SUGCT: variants seen among roughly 807,000 people sequenced by gnomAD.
The protein encoded by SUGCT is succinyl-CoA:glutarate-CoA transferase, also known as succinyl-CoA:glutarate CoA-transferase.
In SUGCT, 41 loss-of-function variants were observed where a neutral mutation model predicts 55.0. The observed-to-expected ratio is 0.74, with a 90% CI of 0.58 to 0.97. SUGCT has a LOEUF of 0.97. SUGCT is among the 50% of genes least tolerant of loss of function. The pLI, the probability that SUGCT is intolerant of heterozygous loss-of-function variation, is 0.00. For synonymous variants in SUGCT, 187 were observed against 200.4 expected (o/e 0.93, Z 0.56); for missense variants, 568 against 547.8 (o/e 1.04, Z -0.37).
At chr7:40,377,456 T>A (rs1784662099) in intron 9 of SUGCT, among the ~76,000 whole-genome samples, 1 of 151,628 alleles carries the variant, frequency 6.6e-6, no homozygotes. Context: ...CTGGCCAGGC[T>A]GGTCTCGATC....
chr7:40,293,390 C>T (rs1246085661), intron 8 of SUGCT, among the ~76,000 whole-genome samples: 1 of 152,168 alleles, frequency 6.6e-6, no homozygotes, highest in Non-Finnish European at 1.5e-5. Context: ...CTGTCTCTTT[C>T]CCATCCCCAG....
the SUGCT span, among the ~76,000 whole-genome samples, chr7:41,007,188 A>G: frequency 6.6e-6 from 1 of 152,152 alleles, no homozygotes; most frequent in South Asian, 2.1e-4. Flanking sequence ...AATAAAACAC[A>G]GATTTTGATA....
chr7:40,513,945 A>G (rs2151558199), intron 12 of SUGCT, among the ~76,000 whole-genome samples: 1 of 151,872 alleles, frequency 6.6e-6, no homozygotes, highest in Non-Finnish European at 1.5e-5. Flanking sequence ...ACCTGCCACC[A>G]TGCCCGGCTA....
chr7:40,603,510 T>C (rs1209341257), intron 12 of SUGCT, among the ~76,000 whole-genome samples: 1 of 152,248 alleles, frequency 6.6e-6, no homozygotes, highest in African/African-American at 2.4e-5. Context: ...ATTAAGTTCC[T>C]GTATAATGAA....
chr7:40,402,196 A>G (rs1013475349), intron 9 of SUGCT, among the ~76,000 whole-genome samples: 7 of 152,016 alleles, frequency 4.6e-5, no homozygotes, highest in African/African-American at 1.7e-4. Context: ...AAGGTAACAC[A>G]ATTAGGAAAG....
chr7:40,565,463 T>G (rs1796077028), intron 12 of SUGCT, among the ~76,000 whole-genome samples: 1 of 152,210 alleles, frequency 6.6e-6, no homozygotes, highest in Admixed American at 6.5e-5. Context: ...TTATTTCTTA[T>G]ATTAATTCAT....
chr7:40,615,295 C>G (rs1274410685), intron 12 of SUGCT, among the ~76,000 whole-genome samples: 1 of 137,166 alleles, frequency 7.3e-6, no homozygotes, highest in Non-Finnish European at 1.5e-5. Context: ...TATAGATTAA[C>G]AAGCAATTTT....
chr7:41,007,780 G>A, the SUGCT span, among the ~76,000 whole-genome samples: 1 of 127,332 alleles, frequency 7.9e-6, no homozygotes, highest in African/African-American at 2.9e-5. Context: ...TTAAGTAAAA[G>A]CTTCTATGAC....
At chr7:41,015,877 T>C in the SUGCT span, among the ~76,000 whole-genome samples, 1 of 152,204 alleles carries the variant, frequency 6.6e-6, no homozygotes, top group Admixed American at 6.5e-5. Context: ...CCACACAAAA[T>C]GCCTGAATTG....
chr7:40,402,393 A>T (rs757178110), intron 9 of SUGCT, among the ~76,000 whole-genome samples: 4 of 152,204 alleles, frequency 2.6e-5, no homozygotes, highest in Non-Finnish European at 5.9e-5. Context: ...TTACTGTGCT[A>T]TCTGACATCC....
chr7:40,373,259 C>T (rs1360591462), intron 9 of SUGCT, among the ~76,000 whole-genome samples: 1 of 7,096 alleles, frequency 1.4e-4, no homozygotes, highest in Non-Finnish European at 4.4e-4. Context: ...GGGTTTTCCA[C>T]TTAGCTATAA....
chr7:40,328,521 A>C (rs567611049), intron 9 of SUGCT, among the ~76,000 whole-genome samples: 5 of 152,102 alleles, frequency 3.3e-5, no homozygotes, highest in Non-Finnish European at 7.4e-5. Context: ...TCCAGGGCCT[A>C]AGGAGGGGGA....
chr7:40,256,974 C>G (rs1411669838), intron 7 of SUGCT, among the ~76,000 whole-genome samples: 1 of 152,128 alleles, frequency 6.6e-6, no homozygotes, highest in African/African-American at 2.4e-5. Context: ...AAACTCCTGA[C>G]CTCCAGTGAT....
chr7:40,366,925 G>A (rs368551806), intron 9 of SUGCT, among the ~76,000 whole-genome samples: 16 of 152,180 alleles, frequency 1.1e-4, no homozygotes, highest in Admixed American at 2.0e-4. Context: ...GTATATACCC[G>A]AAGGACTATA....
chr7:40,683,057 T>A (rs1173251128), intron 12 of SUGCT, among the ~76,000 whole-genome samples: 1 of 152,164 alleles, frequency 6.6e-6, no homozygotes, highest in Non-Finnish European at 1.5e-5. Flanking sequence ...CTTTTCTCAC[T>A]TTATATCAGT....
At chr7:40,432,113 G>T (rs774473049) in intron 9 of SUGCT, among the ~76,000 whole-genome samples, 45 of 152,088 alleles carry the variant, frequency 3.0e-4, no homozygotes, top group South Asian at 1.2e-3. Context: ...GGATCTTAGT[G>T]TAAAACATTC....
At chr7:40,912,317 T>A in the SUGCT span, among the ~76,000 whole-genome samples, 2 of 152,234 alleles carry the variant, frequency 1.3e-5, no homozygotes, top group African/African-American at 4.8e-5. Flanking sequence ...CAGATGATTT[T>A]AGAGGTTTAT....
At chr7:40,176,828 C>T (rs985901344) in intron 1 of SUGCT, among the ~76,000 whole-genome samples, 9 of 151,884 alleles carry the variant, frequency 5.9e-5, no homozygotes, top group Non-Finnish European at 1.3e-4. Context: ...CAAAAATTAA[C>T]TGGGCCTGGT....
intron 12 of SUGCT, among the ~76,000 whole-genome samples, chr7:40,608,199 A>G (rs2151765409): frequency 6.6e-6 from 1 of 152,304 alleles, no homozygotes; most frequent in East Asian, 1.9e-4. Context: ...AGATCAGGAT[A>G]TAGCTAATTT....
Sources: allele counts gnomAD v4.1 joint callset (sites outside exome capture counted in the v4.1 genomes callset), GRCh38; gene constraint gnomAD v4.1.1; transcripts MANE v1.5; gene names NCBI Gene and HGNC (gene_info 2026-07-23, HGNC 2026-07-21).